AMPH: variants seen among roughly 807,000 people sequenced by gnomAD.
The protein encoded by AMPH is amphiphysin, also known as amphiphysin (Stiff-Mann syndrome with breast cancer 128kD autoantigen).
In AMPH, 49 loss-of-function variants were observed where a neutral mutation model predicts 99.1. The ratio of observed to expected loss-of-function variants is 0.49; its 90% CI spans 0.39 to 0.63. The LOEUF (loss-of-function observed/expected upper bound fraction) is 0.63. AMPH is among the 20% of genes least tolerant of loss of function. AMPH has a pLI of 0.00. For missense variants in AMPH, 759 were observed against 863.4 expected, an observed-to-expected ratio of 0.88 and a Z score of 1.52; for synonymous variants, 314 against 317.3, an observed-to-expected ratio of 0.99 and a Z score of 0.11.
At chr7:38,587,446 G>C (rs1375304582) in intron 1 of AMPH, among the ~76,000 whole-genome samples, 1 of 152,134 alleles carries the variant, frequency 6.6e-6, no homozygotes, top group Non-Finnish European at 1.5e-5. Context: ...GGTAATAAAA[G>C]GCTCTCTGAT....
At chr7:38,449,094 G>GT (rs1370257820) in intron 11 of AMPH, among the ~76,000 whole-genome samples, 2 of 152,150 alleles carry the variant, frequency 1.3e-5, no homozygotes, top group Non-Finnish European at 2.9e-5. Context: ...GACTAAACTG[G>GT]TTGAGTAAAG....
intron 1 of AMPH, among the ~76,000 whole-genome samples, chr7:38,568,342 G>A (rs1791820848): frequency 6.6e-6 from 1 of 152,186 alleles, no homozygotes; most frequent in South Asian, 2.1e-4. Context: ...GTGGGTGCCT[G>A]TAGTCCCAGC....
chr7:38,448,988 A>T (rs1786900734), intron 11 of AMPH, among the ~76,000 whole-genome samples: 1 of 152,174 alleles, frequency 6.6e-6, no homozygotes, highest in Non-Finnish European at 1.5e-5. Context: ...GACTAATTGT[A>T]TAAAGGCTGA....
At chr7:38,628,169 CA>C (rs1357497528) in intron 1 of AMPH, among the ~76,000 whole-genome samples, 7 of 152,134 alleles carry the variant, frequency 4.6e-5, no homozygotes, top group African/African-American at 1.7e-4. Context: ...AATTCAAGAA[CA>C]AAAACACGAA....
Position 38,604,394 on chromosome 7 carries a change from G to A in AMPH, c.69+26889C>T, listed in dbSNP as rs138898826. Reference sequence around the variant, plus strand: ...CCCAGCCCAGAGCCTCTGCACCTTCGGCAAGCCCAGCATGTCTGTGGACTG... The same window carrying A: ...CCCAGCCCAGAGCCTCTGCACCTTCAGCAAGCCCAGCATGTCTGTGGACTG... On this transcript the variant is annotated intron_variant, in intron 1 of 20. Coordinates refer to ENST00000356264, the MANE Select transcript of AMPH (RefSeq NM_001635.4). Among the ~76,000 whole-genome samples the A allele has an allele frequency of 2.5e-4, 38 of 152,302 alleles. No individual in the cohort carries two copies. The East Asian group carries it at 5.0e-3, about 20-fold the overall frequency.
At chr7:38,603,483 C>G (rs1157599163) in intron 1 of AMPH, among the ~76,000 whole-genome samples, 1 of 152,178 alleles carries the variant, frequency 6.6e-6, no homozygotes, top group African/African-American at 2.4e-5. Context: ...TCTCAACCTC[C>G]TTTGGACTCC....
At chr7:38,495,733 T>C (rs1430274351) in intron 3 of AMPH, among the ~76,000 whole-genome samples, 1 of 152,192 alleles carries the variant, frequency 6.6e-6, no homozygotes, top group African/African-American at 2.4e-5. Context: ...TTAGGGTTCC[T>C]AAGCCTTTGG....
intron 2 of AMPH, among the ~76,000 whole-genome samples, chr7:38,513,021 G>T (rs777794311): frequency 6.6e-6 from 1 of 152,160 alleles, no homozygotes; most frequent in Non-Finnish European, 1.5e-5. Context: ...ATGCAGAACA[G>T]TTTGAAAAGC....
chr7:38,540,917 C>T lies in AMPH; in HGVS notation c.70-5906G>A, dbSNP rs114879603. Among the ~76,000 whole-genome samples, 1,171 of 150,274 alleles carry T rather than the reference C, an allele frequency of 7.8e-3. 17 individuals are homozygous for T. Among genetic ancestry groups the T allele is most frequent in the African/African-American group, 0.026 (1,077 of 40,958 alleles). On this transcript the variant is annotated intron_variant, in intron 1 of 20. Transcript: ENST00000356264. ...CAAATTTTCAACTCTGGGTGACTCACGCTTCCTTGAGCCAGACTCTAAAAG... is the reference window on the plus strand; with the variant it reads ...CAAATTTTCAACTCTGGGTGACTCATGCTTCCTTGAGCCAGACTCTAAAAG...
chr7:38,441,842 C>CATATATATCATATATATCATATATATCAT (rs1786557316), intron 11 of AMPH, among the ~76,000 whole-genome samples: 1 of 94,406 alleles, frequency 1.1e-5, no homozygotes, highest in Non-Finnish European at 2.0e-5. Flanking sequence ...TATCATATAT[C>CATATATATCATATATATCATATATATCAT]ATATATATCA....
intron 5 of AMPH, among the ~76,000 whole-genome samples, chr7:38,483,518 A>G (rs1788372563): frequency 6.6e-6 from 1 of 152,144 alleles, no homozygotes; most frequent in Non-Finnish European, 1.5e-5. Flanking sequence ...ATGGCTTCCA[A>G]AGAAAATGAG....
intron 5 of AMPH, among the ~76,000 whole-genome samples, chr7:38,481,931 C>A (rs1033424411): frequency 2.0e-5 from 3 of 152,076 alleles, no homozygotes; most frequent in Non-Finnish European, 4.4e-5. Context: ...AATCACTCAA[C>A]ACTATTTTTA....
chr7:38,584,369 C>T (rs967485993), intron 1 of AMPH, among the ~76,000 whole-genome samples: 8 of 152,152 alleles, frequency 5.3e-5, no homozygotes, highest in Admixed American at 2.0e-4. Context: ...GATATGGTTT[C>T]GTTTAGTAAG....
rs146531712 is a variant in AMPH, at chr7:38,462,221, G to A, written c.888+754C>T. Among the ~76,000 whole-genome samples the A allele has an allele frequency of 3.3e-4, 51 of 152,262 alleles. No individual in the cohort carries two copies. The East Asian group carries it at 5.0e-3, about 15-fold the overall frequency. ...TAGGCTAATGTTAAGCGTTCTCGGCGCGTTTAAGGTAGGCTGGGCTAAGTC... is the reference window on the plus strand; with the variant it reads ...TAGGCTAATGTTAAGCGTTCTCGGCACGTTTAAGGTAGGCTGGGCTAAGTC... On this transcript the variant is annotated intron_variant, in intron 10 of 20. Coordinates refer to ENST00000356264, the MANE Select transcript of AMPH (RefSeq NM_001635.4).
intron 11 of AMPH, among the ~76,000 whole-genome samples, chr7:38,448,203 A>G (rs1786865548): frequency 6.6e-6 from 1 of 152,202 alleles, no homozygotes; most frequent in Non-Finnish European, 1.5e-5. Context: ...AGATGGGTAC[A>G]TTACAGTTAA....
chr7:38,507,210 A>T (rs1447508053), intron 2 of AMPH, among the ~76,000 whole-genome samples: 2 of 134,388 alleles, frequency 1.5e-5, no homozygotes, highest in Admixed American at 1.5e-4. Flanking sequence ...GTTTTTTTTT[A>T]AATGAAATAA....
chr7:38,486,169 T>TC (rs917800240), intron 5 of AMPH, among the ~76,000 whole-genome samples: 8 of 151,466 alleles, frequency 5.3e-5, no homozygotes, highest in African/African-American at 1.9e-4. Flanking sequence ...GTTTTTTTTT[T>TC]TTTTGAGCAG....
At chr7:38,538,688 G>A (rs537472201) in intron 1 of AMPH, among the ~76,000 whole-genome samples, 6 of 152,282 alleles carry the variant, frequency 3.9e-5, no homozygotes, top group South Asian at 4.1e-4. Context: ...CGACAGAACC[G>A]GAGCTAGGAA....
intron 3 of AMPH, among the ~76,000 whole-genome samples, chr7:38,496,787 A>G (rs911702728): frequency 1.3e-5 from 2 of 152,150 alleles, no homozygotes; most frequent in African/African-American, 4.8e-5. Flanking sequence ...GATGCCAAAA[A>G]ACTTCTGGCA....
Sources: allele counts gnomAD v4.1 joint callset (sites outside exome capture counted in the v4.1 genomes callset), GRCh38; gene constraint gnomAD v4.1.1; transcripts MANE v1.5; gene names NCBI Gene and HGNC (gene_info 2026-07-23, HGNC 2026-07-21).